ZNF248: variants seen among roughly 807,000 people sequenced by gnomAD.
ZNF248 encodes zinc finger protein 248, also known as KRAB protein domain.
Under a neutral mutation model 44.3 loss-of-function variants are expected in ZNF248, and 20 were observed. That is an observed-to-expected ratio of 0.45 (90% confidence interval 0.32 to 0.66). The LOEUF is 0.66. ZNF248 is among the 30% of genes least tolerant of loss of function. The pLI is 0.04. For missense variants in ZNF248, 654 were observed against 677.0 expected (o/e 0.97, Z 0.38); for synonymous variants, 224 against 229.0 (o/e 0.98, Z 0.20).
At chr10:37,761,241 G>GA in the ZNF248 span, among the ~76,000 whole-genome samples, 36 of 152,210 alleles carry the variant, frequency 2.4e-4, no homozygotes, top group Admixed American at 2.4e-3. Flanking sequence ...TGTTGAGCCA[G>GA]AAGGATGTGA....
chr10:37,772,492 G>T (rs774811400), downstream of ZNF248, among the ~76,000 whole-genome samples: 3 of 152,160 alleles, frequency 2.0e-5, no homozygotes, highest in Non-Finnish European at 2.9e-5. Flanking sequence ...TTGGGATGTT[G>T]CTACTGTATA....
At chr10:37,772,954 A>G (rs957510513), downstream of ZNF248, among the ~76,000 whole-genome samples, 2 of 152,232 alleles carry the variant, frequency 1.3e-5, no homozygotes, top group African/African-American at 4.8e-5. Flanking sequence ...CACAAGCTAC[A>G]TATGTACCAA....
chr10:37,851,734 C>CAAA (rs200931321), intron 3 of ZNF248, among the ~76,000 whole-genome samples: 24 of 15,362 alleles, frequency 1.6e-3, no homozygotes, highest in Non-Finnish European at 3.2e-3. Flanking sequence ...AAATAAATAA[C>CAAA]AAAAAAAAAT....
At chr10:37,788,849 A>G (rs1294524590) in intron 6 of ZNF248, among the ~76,000 whole-genome samples, 1 of 152,048 alleles carries the variant, frequency 6.6e-6, no homozygotes, top group Non-Finnish European at 1.5e-5. Flanking sequence ...ATACAAGACT[A>G]AATATTTATA....
At chr10:37,805,671 T>C (rs1313331060) in intron 6 of ZNF248, among the ~76,000 whole-genome samples, 1 of 152,162 alleles carries the variant, frequency 6.6e-6, no homozygotes, top group African/African-American at 2.4e-5. Context: ...AAGAGGAGTA[T>C]ATAAGGGATC....
the ZNF248 span, among the ~76,000 whole-genome samples, chr10:37,761,672 G>A: frequency 6.6e-6 from 1 of 152,116 alleles, no homozygotes; most frequent in Non-Finnish European, 1.5e-5. Flanking sequence ...AAGATTTCTA[G>A]GGCTGAAACA....
At chr10:37,802,631 G>A (rs1041914955) in intron 6 of ZNF248, among the ~76,000 whole-genome samples, 3 of 152,086 alleles carry the variant, frequency 2.0e-5, no homozygotes, top group African/African-American at 7.2e-5. Flanking sequence ...AAATGCCCTG[G>A]CTGTACTGTT....
intron 6 of ZNF248, among the ~76,000 whole-genome samples, chr10:37,782,657 A>T (rs2047445100): frequency 6.6e-6 from 1 of 152,152 alleles, no homozygotes; most frequent in Non-Finnish European, 1.5e-5. Flanking sequence ...AAGGTGATGG[A>T]AATGTAGACA....
At chr10:37,763,247 G>A in the ZNF248 span, among the ~76,000 whole-genome samples, 1 of 152,236 alleles carries the variant, frequency 6.6e-6, no homozygotes, top group African/African-American at 2.4e-5. Flanking sequence ...TAGCAAGAAA[G>A]AGGGGATGAT....
intron 6 of ZNF248, chr10:37,794,733 G>A: frequency 6.1e-6 from 1 of 163,184 alleles, no homozygotes; most frequent in Non-Finnish European, 1.4e-5. Context: ...CCCACATTCA[G>A]TACATTCATA....
intron 3 of ZNF248, among the ~76,000 whole-genome samples, chr10:37,846,436 C>A (rs2059325153): frequency 2.6e-5 from 4 of 152,042 alleles, no homozygotes; most frequent in Admixed American, 2.6e-4. Context: ...GAGTTCGAGA[C>A]CGGCTTGGTC....
downstream of ZNF248, among the ~76,000 whole-genome samples, chr10:37,827,763 G>A (rs947402263): frequency 6.6e-6 from 1 of 152,164 alleles, no homozygotes; most frequent in Non-Finnish European, 1.5e-5. Context: ...AAGCAAACAG[G>A]GGTAGGGGTT....
chr10:37,837,803 C>G (rs2057519486), intron 4 of ZNF248, 91 bp from the exon 5 acceptor site: 1 of 1,389,470 alleles, frequency 7.2e-7, no homozygotes, highest in African/African-American at 1.4e-5. Context: ...ACAGCTTCAC[C>G]AGCTACTCAA....
the ZNF248 span, among the ~76,000 whole-genome samples, chr10:37,765,378 G>A: frequency 1.3e-5 from 2 of 152,006 alleles, no homozygotes; most frequent in South Asian, 4.1e-4. Flanking sequence ...ACCCTACAAG[G>A]AAAAAAGTTT....
intron 6 of ZNF248, among the ~76,000 whole-genome samples, chr10:37,781,232 G>A (rs1429554823): frequency 6.6e-6 from 1 of 152,168 alleles, no homozygotes; most frequent in East Asian, 1.9e-4. Context: ...ATCTGTTGAT[G>A]CCAACGATAT....
chr10:37,759,922 TAG>T, the ZNF248 span, among the ~76,000 whole-genome samples: 1 of 152,102 alleles, frequency 6.6e-6, no homozygotes, highest in African/African-American at 2.4e-5. Flanking sequence ...GAAGAACCGC[TAG>T]GCAGGGAGGA....
intron 6 of ZNF248, among the ~76,000 whole-genome samples, chr10:37,789,879 A>G (rs2048299148): frequency 6.6e-6 from 1 of 152,208 alleles, no homozygotes; most frequent in Non-Finnish European, 1.5e-5. Context: ...GTTTACTAAG[A>G]ACACCTGAAG....
chr10:37,852,810 G>A (rs1207748068), intron 3 of ZNF248, among the ~76,000 whole-genome samples: 4 of 151,666 alleles, frequency 2.6e-5, no homozygotes, highest in Admixed American at 2.6e-4. Flanking sequence ...AGATCTAATA[G>A]GTGTAACTGC....
chr10:37,810,982 A>G (rs1262641565), intron 6 of ZNF248, among the ~76,000 whole-genome samples: 5 of 152,224 alleles, frequency 3.3e-5, no homozygotes. Context: ...TAAACTGCAT[A>G]TGACAGTAAA....
Sources: gnomAD v4.1 joint callset for allele counts (sites outside exome capture counted in the v4.1 genomes callset) on GRCh38, gnomAD v4.1.1 for gene constraint, MANE v1.5 for transcripts, NCBI Gene and HGNC (gene_info 2026-07-23, HGNC 2026-07-21) for gene names.